The following CENPE variants were observed in gnomAD, a reference collection of about 807,000 sequenced individuals.
CENPE encodes centromere-associated protein E.
A neutral mutation model predicts 336.1 loss-of-function variants in CENPE; 145 were observed. The observed-to-expected ratio is 0.43, with a 90% CI of 0.38 to 0.50. The LOEUF is 0.50. Among genes scored for constraint, CENPE ranks in the 20% least tolerant of loss-of-function variants. The pLI, the probability that CENPE is intolerant of heterozygous loss-of-function variation, is 0.00. For missense variants in CENPE, 2,719 were observed against 3,023.3 expected, an observed-to-expected ratio of 0.90 and a Z score of 2.36; for synonymous variants, 1,013 against 984.8, an observed-to-expected ratio of 1.03 and a Z score of -0.54.
In CENPE at chr4:103,149,225, C is replaced by T. The variant is rs773599656; in HGVS notation, c.3580G>A (p.Glu1194Lys). 1.7e-5 allele frequency: 28 copies of T among 1,612,724 alleles called. No individual in the cohort carries two copies. The highest frequency in any genetic ancestry group is 2.4e-5 in the Non-Finnish European group (28 of 1,179,784). The change falls in exon 27 of 49, where the codon GAA (glutamate) becomes AAA (lysine). Residue 1194 changes from glutamate (E) to lysine (K), a missense_variant. Physicochemically the swap from Glu to Lys is moderately conservative, Grantham distance 56. Coordinates refer to ENST00000265148, the MANE Select transcript of CENPE (RefSeq NM_001813.3). The stretch of plus-strand genomic sequence containing the variant: ...CTTTCTTTGGTTATAGATTTCACTT[C>T]CTCATAATTTTCATTAAGTTTCTGA... ...LAQKLNENYE[E>K]VKSITKERKV... is the part of the protein sequence containing the mutation.
At chr4:103,183,715 C>T (rs572137657) in intron 9 of CENPE, among the ~76,000 whole-genome samples, 14 of 152,162 alleles carry the variant, frequency 9.2e-5, no homozygotes, top group South Asian at 8.3e-4. Flanking sequence ...AAAAAAAGTA[C>T]ACTTTGAAAA....
chr4:103,144,165 T>C (rs1323890585), intron 33 of CENPE, among the ~76,000 whole-genome samples, 166 bp downstream of exon 33: 2 of 152,312 alleles, frequency 1.3e-5, no homozygotes, highest in African/African-American at 4.8e-5. Flanking sequence ...CTTGATCTCC[T>C]GACCTCGTGA....
At chr4:103,154,024 C>T (rs182052112) in intron 24 of CENPE, among the ~76,000 whole-genome samples, 28 of 152,062 alleles carry the variant, frequency 1.8e-4, no homozygotes, top group Admixed American at 3.3e-4. Context: ...TAACCTAATA[C>T]GTGAACTTAT....
chr4:103,141,730 C>T lies in CENPE; in HGVS notation c.5463+20G>A. 1 of 1,481,772 alleles carries T rather than the reference C, an allele frequency of 6.7e-7. No homozygotes were observed. The highest frequency in any genetic ancestry group is 9.2e-7 in the Non-Finnish European group (1 of 1,082,256). 91.8% of individuals were successfully genotyped at this position (1,481,772 alleles called of 1,614,324 possible). A position where few individuals can be genotyped will look rare whatever the true frequency, so the allele number is the denominator to read the frequency against. On this transcript the variant is annotated intron_variant, in intron 35 of 48. Coordinates refer to ENST00000265148, the MANE Select transcript of CENPE (RefSeq NM_001813.3). ...CAAACAAATTAGATATCCAATCAAA[C>T]AATCCCCCCATAAAAATACCTTTTC...
At chr4:103,189,962 A>C (rs1379497332) in intron 8 of CENPE, among the ~76,000 whole-genome samples, 1 of 152,222 alleles carries the variant, frequency 6.6e-6, no homozygotes, top group African/African-American at 2.4e-5. Flanking sequence ...TACAAAATCA[A>C]TGTGCAAAAA....
chr4:103,184,792 T>C (rs1756621531), intron 9 of CENPE, among the ~76,000 whole-genome samples: 1 of 152,186 alleles, frequency 6.6e-6, no homozygotes, highest in African/African-American at 2.4e-5. Flanking sequence ...TTTGGAATTT[T>C]CCTGGCTACT....
At chr4:103,182,270 T>C (rs1010653297) in intron 11 of CENPE, among the ~76,000 whole-genome samples, 1 of 152,304 alleles carries the variant, frequency 6.6e-6, no homozygotes, top group Non-Finnish European at 1.5e-5. Context: ...TTTGTATTTT[T>C]AGTAAAGACA....
intron 19 of CENPE, 25 bp from the exon 20 acceptor site, chr4:103,161,276 C>G (rs370442483): frequency 2.5e-6 from 4 of 1,600,340 alleles, no homozygotes; most frequent in African/African-American, 1.3e-5. Flanking sequence ...ATTGCAAATG[C>G]ACAAAAATAC....
intron 4 of CENPE, among the ~76,000 whole-genome samples, 170 bp downstream of exon 4, chr4:103,195,750 G>A (rs752518139): frequency 6.6e-6 from 1 of 152,132 alleles, no homozygotes; most frequent in Non-Finnish European, 1.5e-5. Context: ...AAAGTAAGTT[G>A]TGGAGATAAA....
chr4:103,111,189 A>G (rs892707118), intron 46 of CENPE, among the ~76,000 whole-genome samples, 178 bp from the exon 47 acceptor site: 2 of 152,180 alleles, frequency 1.3e-5, no homozygotes, highest in Non-Finnish European at 2.9e-5. Flanking sequence ...TTATTTGACC[A>G]ACCATTAATT....
At chr4:103,110,259 CT>C (rs1424644581) in intron 47 of CENPE, among the ~76,000 whole-genome samples, 5 of 152,164 alleles carry the variant, frequency 3.3e-5, no homozygotes, top group Admixed American at 1.3e-4. Context: ...CCCTCCACCC[CT>C]AACACCTAGA....
Position 103,158,633 on chromosome 4 carries a change from A to T in CENPE, c.2855T>A (p.Ile952Asn), listed in dbSNP as rs1754158599. 1 of 1,604,170 alleles carries T rather than the reference A, an allele frequency of 6.2e-7. No individual in the cohort carries two copies. Among genetic ancestry groups the T allele is most frequent in the South Asian group, 1.1e-5 (1 of 88,388 alleles). The change falls in exon 23 of 49, where the codon ATT (isoleucine) becomes AAT (asparagine). Residue 952 changes from isoleucine to asparagine, a missense_variant. Physicochemically the swap from Ile to Asn is moderately radical, Grantham distance 149 (BLOSUM62 -3). This residue lies in a region of CENPE where 2,437 missense variants were observed against 2,513.3 expected (regional missense o/e 0.97). Coordinates refer to ENST00000265148, the MANE Select transcript of CENPE (RefSeq NM_001813.3). ...CCTTACCATGTTAACAGTATCGTGA[A>T]TATCACTTTTGAGTTGGTCCCTCTC... Reference protein sequence around the residue: ...QIERDQLKSDIHDTVNMNIDT... With the variant: ...QIERDQLKSDNHDTVNMNIDT...
intron 41 of CENPE, 87 bp from the exon 42 acceptor site, chr4:103,132,983 T>TATATATATATAA (rs1185133774): frequency 2.6e-5 from 5 of 191,136 alleles, no homozygotes; most frequent in African/African-American, 7.4e-5. Flanking sequence ...TATATATATA[T>TATATATATATAA]AAAATAAAAA....
Position 103,197,543 on chromosome 4 carries a change from G to A in CENPE, c.57-693C>T, listed in dbSNP as rs572070902. On this transcript the variant is annotated intron_variant, in intron 1 of 48. Coordinates refer to ENST00000265148, the MANE Select transcript of CENPE (RefSeq NM_001813.3). Reference sequence around the variant, plus strand: ...CAAAAATAGGAAATTCCTGATCTTGGTATTTGCATTTATTAAACCCCGTGT... The same window carrying A: ...CAAAAATAGGAAATTCCTGATCTTGATATTTGCATTTATTAAACCCCGTGT... Among the ~76,000 whole-genome samples the A allele has an allele frequency of 3.9e-4, 60 of 152,234 alleles. 2 individuals carry two copies. The South Asian group carries it at 0.012, about 32-fold the overall frequency.
rs1303351508 is a variant in CENPE, at chr4:103,159,294, T to G, written c.2317A>C (p.Ile773Leu). 1.9e-6 allele frequency: 3 copies of G among 1,554,896 alleles called. No homozygotes were observed. The highest frequency in any genetic ancestry group is 2.6e-6 in the Non-Finnish European group (3 of 1,150,848). Reference sequence around the variant, plus strand: ...AACAATTTATCTTTTTCTGATGTTATTATATGGAGCTCTTCAGATTTGTCT... The same window carrying G: ...AACAATTTATCTTTTTCTGATGTTAGTATATGGAGCTCTTCAGATTTGTCT... ...IQDKSEELHI[I>L]TSEKDKLFSE... Residue 773 changes from isoleucine (I) to leucine (L), a missense_variant, in exon 22 of 49, where the codon ATA becomes CTA. Physicochemically the swap from Ile to Leu is conservative, Grantham distance 5. Coordinates refer to ENST00000265148, the MANE Select transcript of CENPE (RefSeq NM_001813.3).
intron 33 of CENPE, 39 bp downstream of exon 33, chr4:103,144,292 T>C (rs1470641396): frequency 2.6e-6 from 4 of 1,523,076 alleles, no homozygotes; most frequent in African/African-American, 1.4e-5. Context: ...TAGGACTCAA[T>C]GTCATAGTTA....
At chr4:103,109,721 A>T (rs1749221219) in intron 47 of CENPE, among the ~76,000 whole-genome samples, 1 of 152,150 alleles carries the variant, frequency 6.6e-6, no homozygotes, top group Non-Finnish European at 1.5e-5. Flanking sequence ...TTTTGTCTGA[A>T]CTACCATAAA....
chr4:103,193,762 A>G (rs1757536987), intron 8 of CENPE, among the ~76,000 whole-genome samples: 1 of 152,094 alleles, frequency 6.6e-6, no homozygotes, highest in Non-Finnish European at 1.5e-5. Flanking sequence ...CGTTTACAAT[A>G]CAAAATATAT....
intron 13 of CENPE, among the ~76,000 whole-genome samples, chr4:103,178,101 A>T (rs1198289507): frequency 6.7e-6 from 1 of 148,508 alleles, no homozygotes; most frequent in Non-Finnish European, 1.5e-5. Flanking sequence ...GATTCCATAG[A>T]TCACTGTAAT....
Sources: gnomAD v4.1 joint callset for allele counts (sites outside exome capture counted in the v4.1 genomes callset) on GRCh38, gnomAD v4.1.1 for gene constraint, gnomAD v4.1.1 regional missense constraint, MANE v1.5 for transcripts, NCBI Gene and HGNC (gene_info 2026-07-23, HGNC 2026-07-21) for gene names.